Variants in ANO3 observed in about 807,000 individuals in gnomAD.
ANO3 encodes anoctamin 3, also known as anoctamin-3.
A neutral mutation model predicts 144.8 loss-of-function variants in ANO3; 99 were observed. The observed-to-expected ratio is 0.68, with a 90% confidence interval of 0.58 to 0.81. The LOEUF is 0.81. ANO3 is among the 30% of genes least tolerant of loss of function. The pLI, the probability that ANO3 is intolerant of heterozygous loss-of-function variation, is 0.00. For missense variants in ANO3, 905 were observed against 1,202.2 expected (o/e 0.75, Z 3.66); for synonymous variants, 414 against 392.6 (o/e 1.05, Z -0.64).
chr11:26,344,741 T>C (rs1855457069), intron 1 of ANO3, among the ~76,000 whole-genome samples: 1 of 152,186 alleles, frequency 6.6e-6, no homozygotes, highest in Admixed American at 6.5e-5. Context: ...GGTGCTTCTC[T>C]ATTTCTCCCA....
intron 18 of ANO3, among the ~76,000 whole-genome samples, chr11:26,628,313 A>C (rs1348482685): frequency 6.6e-6 from 1 of 152,210 alleles, no homozygotes; most frequent in Admixed American, 6.5e-5. Flanking sequence ...CCTACTATAC[A>C]CACTATTAAT....
intron 1 of ANO3, among the ~76,000 whole-genome samples, chr11:26,209,202 A>G (rs1028511872): frequency 1.3e-5 from 2 of 152,092 alleles, no homozygotes; most frequent in Non-Finnish European, 2.9e-5. Context: ...GTGTCCATGT[A>G]TTCTCATTGT....
intron 17 of ANO3, among the ~76,000 whole-genome samples, chr11:26,622,937 AT>A: frequency 6.6e-6 from 1 of 152,280 alleles, no homozygotes; most frequent in South Asian, 2.1e-4. Flanking sequence ...CTCAAGTACT[AT>A]TTTTTGGGCA....
chr11:26,252,255 C>G (rs1321837280), intron 1 of ANO3, among the ~76,000 whole-genome samples: 1 of 152,182 alleles, frequency 6.6e-6, no homozygotes, highest in East Asian at 1.9e-4. Flanking sequence ...ATAAAATACA[C>G]AAACGCATCA....
At chr11:26,404,028 T>G (rs1857214860) in intron 1 of ANO3, among the ~76,000 whole-genome samples, 1 of 150,852 alleles carries the variant, frequency 6.6e-6, no homozygotes, top group Admixed American at 6.6e-5. Flanking sequence ...GCTTTTTGTC[T>G]TTTTTTCCGA....
rs552627738 is a variant in ANO3 at position 26,547,760 on chromosome 11, A to G, written c.1289+210A>G. 2.6e-5 allele frequency among the ~76,000 whole-genome samples: 4 copies of G among 152,042 alleles called. No individual in the cohort carries two copies. The South Asian group carries it at 6.2e-4, about 24-fold the overall frequency. On this transcript the variant is annotated intron_variant, in intron 12 of 26. Transcript: ENST00000256737. The stretch of plus-strand genomic sequence containing the variant: ...ATACTTTTATTTGCAAACTATCTTG[A>G]GTAATTTCTAAGAATGTTTATGTAA...
chr11:26,478,338 C>T (rs974259579), intron 4 of ANO3, among the ~76,000 whole-genome samples: 6 of 152,116 alleles, frequency 3.9e-5, no homozygotes, highest in African/African-American at 1.4e-4. Context: ...TCACTCTAAC[C>T]TAGAATAGCC....
intron 4 of ANO3, among the ~76,000 whole-genome samples, chr11:26,481,949 G>A (rs766911482): frequency 4.0e-5 from 6 of 151,826 alleles, no homozygotes; most frequent in African/African-American, 1.2e-4. Flanking sequence ...CTGGAGTGCC[G>A]TGGTGAAATC....
chr11:26,330,865 AT>A (rs967623905), upstream of ANO3, among the ~76,000 whole-genome samples: 3 of 152,100 alleles, frequency 2.0e-5, no homozygotes, highest in East Asian at 1.9e-4. Context: ...ATTTCTGCAT[AT>A]TTTTTATCTG....
intron 1 of ANO3, among the ~76,000 whole-genome samples, chr11:26,202,234 T>C (rs1056892391): frequency 6.8e-6 from 1 of 146,030 alleles, no homozygotes; most frequent in African/African-American, 2.5e-5. Flanking sequence ...TATATTTATA[T>C]ATATAAATAT....
chr11:26,319,194 T>C (rs1854700138), intron 1 of ANO3, among the ~76,000 whole-genome samples: 1 of 152,138 alleles, frequency 6.6e-6, no homozygotes, highest in South Asian at 2.1e-4. Flanking sequence ...AGACAGGGTC[T>C]TTCTATGATG....
intron 14 of ANO3, among the ~76,000 whole-genome samples, chr11:26,580,769 T>G (rs933018529): frequency 6.6e-6 from 1 of 152,150 alleles, no homozygotes; most frequent in African/African-American, 2.4e-5. Context: ...ATCTTATGAG[T>G]TTTGCCATAA....
intron 11 of ANO3, among the ~76,000 whole-genome samples, chr11:26,544,239 T>G: frequency 8.8e-6 from 1 of 114,266 alleles, no homozygotes; most frequent in Admixed American, 1.0e-4. Context: ...GGTTAAGTAG[T>G]ATTTCATTAT....
chr11:26,605,284 A>G (rs1590622727), intron 17 of ANO3, among the ~76,000 whole-genome samples: 3 of 152,140 alleles, frequency 2.0e-5, no homozygotes, highest in South Asian at 2.1e-4. Context: ...ATGGTGGTGG[A>G]TAAGTTTTTT....
At chr11:26,544,442 G>A (rs1047099025) in intron 11 of ANO3, among the ~76,000 whole-genome samples, 4 of 150,820 alleles carry the variant, frequency 2.7e-5, no homozygotes, top group Middle Eastern at 3.2e-3. Context: ...GGGGTGGAGA[G>A]GAGGCAGAGG....
intron 1 of ANO3, among the ~76,000 whole-genome samples, chr11:26,207,562 G>T (rs375778312): frequency 1.5e-4 from 23 of 152,016 alleles, no homozygotes; most frequent in African/African-American, 4.6e-4. Flanking sequence ...TATTCTGCAT[G>T]CTTTTATAAT....
At chr11:26,224,611 A>T (rs1207535115) in intron 1 of ANO3, among the ~76,000 whole-genome samples, 4 of 152,252 alleles carry the variant, frequency 2.6e-5, no homozygotes, top group Non-Finnish European at 5.9e-5. Flanking sequence ...GTTGGAATGA[A>T]GTATGTAGGA....
intron 12 of ANO3, among the ~76,000 whole-genome samples, chr11:26,550,155 T>C (rs1849893647): frequency 6.6e-6 from 1 of 151,764 alleles, no homozygotes; most frequent in African/African-American, 2.4e-5. Flanking sequence ...TTATCAACAG[T>C]ATTAACAATT....
chr11:26,362,804 G>T (rs1855962707), intron 1 of ANO3, among the ~76,000 whole-genome samples: 1 of 152,006 alleles, frequency 6.6e-6, no homozygotes, highest in Non-Finnish European at 1.5e-5. Context: ...ATACCATGAG[G>T]GAAGGTGTCA....
Sources: gnomAD v4.1 joint callset for allele counts (sites outside exome capture counted in the v4.1 genomes callset) on GRCh38, gnomAD v4.1.1 for gene constraint, MANE v1.5 for transcripts, NCBI Gene and HGNC (gene_info 2026-07-23, HGNC 2026-07-21) for gene names.